Variants in CD36 observed in about 807,000 individuals in gnomAD.
The protein encoded by CD36 is CD36 molecule (CD36 blood group).
CD36 carries 119 observed loss-of-function variants against 55.2 expected under a neutral mutation model. The ratio of observed to expected loss-of-function variants is 2.15; its 90% CI spans 1.86 to 2.51. The LOEUF (loss-of-function observed/expected upper bound fraction) is 2.51, where lower values mean the gene tolerates loss of function less well. CD36 is among the 30% of genes most tolerant of loss of function. CD36 has a pLI of 0.00. For missense variants in CD36, 819 were observed against 555.5 expected (o/e 1.47, Z -4.77); for synonymous variants, 186 against 193.6 (o/e 0.96, Z 0.33).
At chr7:80,643,610 C>A (rs556988405) in intron 1 of CD36, among the ~76,000 whole-genome samples, 2 of 152,230 alleles carry the variant, frequency 1.3e-5, no homozygotes, top group Non-Finnish European at 2.9e-5. Context: ...AACAGGAAGA[C>A]AAAGTTAAGA....
In CD36 at chr7:80,667,747, G is replaced by GTTTTTTTTTTTTTTTTTT. The variant is rs1165767460; in HGVS notation, c.748+1262_748+1279dup. Among the ~76,000 whole-genome samples, 64 of 82,614 alleles carry GTTTTTTTTTTTTTTTTTT rather than the reference G, an allele frequency of 7.7e-4. 4 individuals carry two copies. The highest frequency in any genetic ancestry group is 1.5e-3 in the African/African-American group (35 of 24,108). 54.2% of individuals were successfully genotyped at this position (82,614 alleles called of 152,430 possible). A position where few individuals can be genotyped will look rare whatever the true frequency, so the allele number is the denominator to read the frequency against. On this transcript the variant is annotated intron_variant, in intron 8 of 14. Coordinates refer to ENST00000447544, the MANE Select transcript of CD36 (RefSeq NM_001001548.3). ...GTTGGATTTGCAGGGGTTTTCTTTT[G>GTTTTTTTTTTTTTTTTTT]TTTTTTTTTTTTTTTTTTTTTGAGA...
chr7:80,608,285 C>G (rs1792679852), intron 1 of CD36, among the ~76,000 whole-genome samples: 1 of 152,070 alleles, frequency 6.6e-6, no homozygotes, highest in Admixed American at 6.5e-5. Flanking sequence ...AATAATTATG[C>G]AAAGTGCCTA....
chr7:80,674,145 TAAG>T lies in CD36; in HGVS notation c.1418_*1del, dbSNP rs767398084. On this transcript the variant is annotated splice_donor_variant and coding_sequence_variant and 3_prime_UTR_variant, in exon 14 of 15. Transcript: ENST00000447544. LOFTEE classifies it high-confidence loss of function. ...TGCATGCAGATCGAAAACAATAAAA[TAAG>T]TAAGTATGTACCAAAAAATATTGCT... The T allele has an allele frequency of 4.5e-6, 7 of 1,560,572 alleles. No homozygotes were observed. In the African/African-American group the frequency reaches 9.7e-5, roughly 22 times the overall value.
At position 80,678,812 on chromosome 7, in the gene CD36, C is replaced by A. The variant is rs1246213315; in HGVS notation, c.*2429C>A. The A allele has an allele frequency of 6.6e-6, 1 of 151,582 alleles. No homozygotes were observed. Among genetic ancestry groups the A allele is most frequent in the Non-Finnish European group, 1.5e-5 (1 of 67,996 alleles). The allele number at this position is 151,582 out of a possible 1,614,324, so 9.4% of individuals were successfully genotyped here. ...TGAACTGAGATCGCGTCACTGCACT[C>A]CAGCCTGGTGACAGAGCGAGATTCC... On this transcript the variant is annotated 3_prime_UTR_variant, in exon 15 of 15. Coordinates refer to ENST00000447544, the MANE Select transcript of CD36 (RefSeq NM_001001548.3).
rs1044053307 is a variant in CD36 at position 80,614,596 on chromosome 7, T to A, written c.-184+12217T>A. Among the ~76,000 whole-genome samples the A allele has an allele frequency of 2.6e-5, 4 of 152,154 alleles. No individual in the cohort carries two copies. The East Asian group carries it at 7.7e-4, about 29-fold the overall frequency. ...GGGGTGCCCTCTGTATCTTAATCTT[T>A]GCTTCTTCTTCGCGGCTCCATCTTT... On this transcript the variant is annotated intron_variant, in intron 1 of 13. Transcript: ENST00000309881.
intron 1 of CD36, among the ~76,000 whole-genome samples, chr7:80,619,584 T>C (rs1012886317): frequency 4.0e-5 from 6 of 150,526 alleles, no homozygotes; most frequent in Non-Finnish European, 8.8e-5. Context: ...GAGGCAGAGA[T>C]TGCAGTGAGC....
rs2116401113 is a variant in CD36, at chr7:80,646,651, G to A, written c.-89-1G>A. The A allele has an allele frequency of 1.4e-6, 2 of 1,467,706 alleles. No individual in the cohort carries two copies. The highest frequency in any genetic ancestry group is 2.8e-5 in the African/African-American group (2 of 72,040). The allele number at this position is 1,467,706 out of a possible 1,614,324, so 90.9% of individuals were successfully genotyped here. A position where few individuals can be genotyped will look rare whatever the true frequency, so the allele number is the denominator to read the frequency against. ...GTTTTATGATCTCTTTCTAATGATA[G>A]AACCAGAGCTTGTAGAAACCACTTT... On this transcript the variant is annotated splice_acceptor_variant, in intron 2 of 14. Transcript: ENST00000447544. LOFTEE classifies it low-confidence loss of function (5UTR_SPLICE).
chr7:80,615,539 C>T (rs1303072723), intron 1 of CD36, among the ~76,000 whole-genome samples: 1 of 152,028 alleles, frequency 6.6e-6, no homozygotes, highest in African/African-American at 2.4e-5. Flanking sequence ...CCATTGAAGC[C>T]CTTCTGTTAT....
At chr7:80,635,508 C>T (rs561101065), upstream of CD36, among the ~76,000 whole-genome samples, 1 of 152,104 alleles carries the variant, frequency 6.6e-6, no homozygotes, top group Non-Finnish European at 1.5e-5. Flanking sequence ...CTCCTGACCT[C>T]AAGTGATCCG....
At chr7:80,614,737 A>T (rs1471586674) in intron 1 of CD36, among the ~76,000 whole-genome samples, 1 of 152,126 alleles carries the variant, frequency 6.6e-6, no homozygotes, top group Non-Finnish European at 1.5e-5. Flanking sequence ...GTGAAGTGGG[A>T]AATTGGGGGA....
chr7:80,611,798 T>C (rs1166126794), intron 1 of CD36, among the ~76,000 whole-genome samples: 1 of 152,184 alleles, frequency 6.6e-6, no homozygotes, highest in Non-Finnish European at 1.5e-5. Context: ...GAGGGAAGAC[T>C]AGACTGAAGC....
chr7:80,626,686 C>T (rs1178228618), intron 1 of CD36, among the ~76,000 whole-genome samples: 1 of 151,652 alleles, frequency 6.6e-6, no homozygotes, highest in Non-Finnish European at 1.5e-5. Flanking sequence ...CTTAATATAC[C>T]ATGTAATCTG....
chr7:80,622,340 G>A (rs1016848528), intron 1 of CD36, among the ~76,000 whole-genome samples: 5 of 152,220 alleles, frequency 3.3e-5, no homozygotes, highest in African/African-American at 1.2e-4. Context: ...ATGGCTTGCC[G>A]AGGGTCCCCG....
intron 1 of CD36, among the ~76,000 whole-genome samples, chr7:80,610,557 T>C (rs2115762271): frequency 6.6e-6 from 1 of 151,896 alleles, no homozygotes; most frequent in East Asian, 1.9e-4. Context: ...TTTAATTTTA[T>C]TTATTTATTT....
At chr7:80,632,201 G>A (rs925003019) in intron 1 of CD36, among the ~76,000 whole-genome samples, 1 of 151,366 alleles carries the variant, frequency 6.6e-6, no homozygotes, top group African/African-American at 2.4e-5. Context: ...CCACTCAAGT[G>A]CAGGGTTTGT....
chr7:80,650,550 T>G (rs1795523849), intron 3 of CD36, among the ~76,000 whole-genome samples: 1 of 152,174 alleles, frequency 6.6e-6, no homozygotes, highest in Admixed American at 6.6e-5. Context: ...ACTTCTTATT[T>G]GTGTACCATT....
chr7:80,635,177 T>G (rs1197763825), upstream of CD36, among the ~76,000 whole-genome samples: 3 of 152,142 alleles, frequency 2.0e-5, no homozygotes, highest in East Asian at 5.8e-4. Flanking sequence ...CATTGTACAC[T>G]TTTCTATAAT....
In CD36 at chr7:80,632,973, C is replaced by T. The variant is rs190120097; in HGVS notation, c.-183-13115C>T. 2.6e-5 allele frequency among the ~76,000 whole-genome samples: 4 copies of T among 151,998 alleles called. No homozygotes were observed. In the East Asian group the frequency reaches 5.8e-4, roughly 22 times the overall value. Reference sequence around the variant, plus strand: ...AACGTTTAAAAAACTAGGTGCTCATCAACTAAATGCTTGTTTTGGCTATGA... The same window carrying T: ...AACGTTTAAAAAACTAGGTGCTCATTAACTAAATGCTTGTTTTGGCTATGA... On this transcript the variant is annotated intron_variant, in intron 1 of 13. Transcript: ENST00000309881.
At chr7:80,619,277 C>T (rs1439074845) in intron 1 of CD36, among the ~76,000 whole-genome samples, 1 of 152,172 alleles carries the variant, frequency 6.6e-6, no homozygotes, top group African/African-American at 2.4e-5. Flanking sequence ...ATTAACAATG[C>T]AGCTGGTCAT....
Sources: gnomAD v4.1 joint callset for allele counts (sites outside exome capture counted in the v4.1 genomes callset) on GRCh38, gnomAD v4.1.1 for gene constraint, MANE v1.5 for transcripts, NCBI Gene and HGNC (gene_info 2026-07-23, HGNC 2026-07-21) for gene names.